The following MED13 variants were observed in gnomAD, a reference collection of about 807,000 sequenced individuals.
MED13 encodes mediator of RNA polymerase II transcription subunit 13.
In MED13, 23 loss-of-function variants were observed where a neutral mutation model predicts 225.2. The observed-to-expected ratio is 0.10, with a 90% CI of 0.07 to 0.14. MED13 has a LOEUF of 0.14. MED13 is among the 10% of genes least tolerant of loss of function. MED13 has a pLI of 1.00. For missense variants in MED13, 2,197 were observed against 2,594.5 expected (o/e 0.85, Z 3.33); for synonymous variants, 942 against 889.2 (o/e 1.06, Z -1.06).
intron 17 of MED13, among the ~76,000 whole-genome samples, chr17:61,970,048 TTAA>T (rs1277538337): frequency 2.0e-5 from 3 of 152,176 alleles, no homozygotes; most frequent in Admixed American, 6.5e-5. Context: ...CAATTTAAAA[TTAA>T]TAATAGCAAA....
At chr17:61,970,227 A>G (rs1294583385) in intron 17 of MED13, among the ~76,000 whole-genome samples, 2 of 152,242 alleles carry the variant, frequency 1.3e-5, no homozygotes, top group African/African-American at 4.8e-5. Flanking sequence ...CACAAGAAGT[A>G]GCAGAGTAGG....
intron 3 of MED13, among the ~76,000 whole-genome samples, chr17:62,038,783 C>G (rs2080827807): frequency 6.6e-6 from 1 of 152,168 alleles, no homozygotes; most frequent in South Asian, 2.1e-4. Context: ...CCCATCTCAC[C>G]CTCTTGAGTA....
chr17:61,985,175 T>C (rs757322540), intron 12 of MED13, 85 bp from the exon 13 acceptor site: 3 of 1,086,026 alleles, frequency 2.8e-6, no homozygotes, highest in Non-Finnish European at 4.1e-6. Context: ...AACTTAACAG[T>C]AAAGCCCATT....
At position 61,961,099 on chromosome 17, in the gene MED13, T is replaced by C. The variant is rs757958566; in HGVS notation, c.5257-9A>G. The stretch of plus-strand genomic sequence containing the variant: ...CGAATACACTCTGGTCTCTATAAAA[T>C]AAAAAATTAAGGTATTATCATACTA... On this transcript the variant is annotated splice_polypyrimidine_tract_variant and intron_variant, in intron 22 of 29. Transcript: ENST00000397786. 3.1e-6 allele frequency: 5 copies of C among 1,588,886 alleles called. No homozygotes were observed. Among genetic ancestry groups the C allele is most frequent in the Admixed American group, 1.7e-5 (1 of 59,038 alleles).
Position 61,987,067 on chromosome 17 carries a change from G to T in MED13, c.2325C>A (p.Asp775Glu). ...PPSTSLIYDSDLAVSYTDLDN... is the reference protein window; with the variant it reads ...PPSTSLIYDSELAVSYTDLDN... ...CAAGGTCAGTATAAGAGACAGCCAG[G>T]TCTGAGTCATAAATCAAACTTGTTG... The change falls in exon 12 of 30, where the codon GAC becomes GAA. Residue 775 changes from aspartate (D) to glutamate (E), a missense_variant. Physicochemically the swap from Asp to Glu is conservative, Grantham distance 45. Around this residue, in one of 12 missense-constraint regions of MED13, gnomAD observed 41 missense variants for 55.8 expected, o/e 0.73. Coordinates refer to ENST00000397786, the MANE Select transcript of MED13 (RefSeq NM_005121.3). 1 of 1,606,974 alleles carries T rather than the reference G, an allele frequency of 6.2e-7. No individual in the cohort carries two copies. Among genetic ancestry groups the T allele is most frequent in the Non-Finnish European group, 8.5e-7 (1 of 1,175,452 alleles).
rs769227023 is a variant in MED13 at position 61,965,093 on chromosome 17, C to T, written c.4757G>A (p.Gly1586Glu). The T allele has an allele frequency of 2.5e-6, 4 of 1,614,108 alleles. No homozygotes were observed. In the South Asian group the frequency reaches 4.4e-5, roughly 18 times the overall value. Residue 1586 changes from glycine to glutamate, a missense_variant, in exon 20 of 30, where the codon GGG becomes GAG. By Grantham distance (98) the Gly-to-Glu change is moderately conservative. This residue lies in a region of MED13 where 457 missense variants were observed against 442.2 expected (regional missense o/e 1.03). Coordinates refer to ENST00000397786, the MANE Select transcript of MED13 (RefSeq NM_005121.3). The stretch of plus-strand genomic sequence containing the variant: ...TGTCTGTAGAGCTGATGTCTGTTGC[C>T]CTCCTAGCTGACCACTCTGAACTGT... ...ANTVQSGQLG[G>E]QQTSALQTAG...
At chr17:61,946,622 T>A (rs200594396) in intron 29 of MED13, 22 bp from the exon 30 acceptor site, 1 of 1,604,306 alleles carries the variant, frequency 6.2e-7, no homozygotes, top group Non-Finnish European at 8.5e-7. Flanking sequence ...ATAAACTGCA[T>A]AAGTCATTTA....
chr17:62,033,913 T>C lies in MED13; in HGVS notation c.688A>G (p.Lys230Glu). Residue 230 changes from lysine (K) to glutamate (E), a missense_variant, in exon 5 of 30, where the codon AAA becomes GAA. Lys to Glu is a moderately conservative substitution (Grantham distance 56). This residue lies in a region of MED13 where 884 missense variants were observed against 918.5 expected (regional missense o/e 0.96). Coordinates refer to ENST00000397786, the MANE Select transcript of MED13 (RefSeq NM_005121.3). ...TGTTTCCATTCACCAATTAATTTTT[T>C]TGTAGCTGAATCAGACATCTTGAAT... ...QAFKMSDSAT[K>E]KLIGEWKQFY... is the part of the protein sequence containing the mutation. 5.0e-6 allele frequency: 8 copies of C among 1,614,146 alleles called. No homozygotes were observed. The highest frequency in any genetic ancestry group is 6.8e-6 in the Non-Finnish European group (8 of 1,180,022).
At chr17:61,965,531 C>G in intron 19 of MED13, 63 bp from the exon 20 acceptor site, 6 of 1,436,402 alleles carry the variant, frequency 4.2e-6, no homozygotes, top group Non-Finnish European at 5.6e-6. Context: ...TTTTTAAATT[C>G]TACTGTGTAA....
At chr17:61,985,646 G>T (rs1484747043) in intron 12 of MED13, among the ~76,000 whole-genome samples, 1 of 152,068 alleles carries the variant, frequency 6.6e-6, no homozygotes, top group Non-Finnish European at 1.5e-5. Flanking sequence ...ACTCCAGCAT[G>T]GGCAATACAA....
At chr17:62,019,849 T>A (rs191014516) in intron 8 of MED13, among the ~76,000 whole-genome samples, 2 of 151,838 alleles carry the variant, frequency 1.3e-5, no homozygotes, top group East Asian at 1.9e-4. Context: ...GTTCACGCCA[T>A]TCTCCTGCCT....
chr17:62,043,719 C>CAGT, intron 3 of MED13, among the ~76,000 whole-genome samples: 1 of 152,322 alleles, frequency 6.6e-6, no homozygotes, highest in Non-Finnish European at 1.5e-5. Flanking sequence ...CTAAGCACAG[C>CAGT]ACACACACCT....
chr17:62,030,893 C>T (rs2080749184), intron 6 of MED13: 2 of 152,156 alleles, frequency 1.3e-5, no homozygotes, highest in African/African-American at 4.8e-5. Context: ...AGCTAAAACG[C>T]TTTAGTTCTG....
intron 9 of MED13, among the ~76,000 whole-genome samples, chr17:61,999,863 C>A (rs908269334): frequency 2.0e-5 from 3 of 151,974 alleles, no homozygotes; most frequent in Admixed American, 6.6e-5. Flanking sequence ...TCAAGACCAG[C>A]CTGGACAACA....
chr17:62,010,279 T>A (rs148171682), intron 9 of MED13: 1 of 286,378 alleles, frequency 3.5e-6, no homozygotes, highest in East Asian at 5.9e-5. Context: ...AGAAAAACAG[T>A]ACATGGGAAT....
chr17:62,030,874 C>G (rs2080749042), intron 6 of MED13: 2 of 152,146 alleles, frequency 1.3e-5, no homozygotes, highest in African/African-American at 4.8e-5. Flanking sequence ...TAACTAAACC[C>G]CTTTTAATAG....
Position 61,965,317 on chromosome 17 carries a change from G to A in MED13, c.4533C>T (p.Ser1511=), listed in dbSNP as rs373574794. The A allele has an allele frequency of 6.2e-7, 1 of 1,614,086 alleles. No homozygotes were observed. Among genetic ancestry groups the A allele is most frequent in the Non-Finnish European group, 8.5e-7 (1 of 1,180,042 alleles). Residue 1511 remains serine (S), a synonymous_variant, in exon 20 of 30, where the codon AGC becomes AGT. Transcript: ENST00000397786. ...CACCTGAAGTCACTGTCATAGTGCT[G>A]CTCGCTGCAGATGCTAAGGTGGCAG... ...TPSATLASAA[S]STMTVTSGVA...
chr17:62,028,634 G>A (rs1233960443), intron 8 of MED13, among the ~76,000 whole-genome samples: 1 of 151,758 alleles, frequency 6.6e-6, no homozygotes, highest in Non-Finnish European at 1.5e-5. Flanking sequence ...GAGGTCAGGA[G>A]ATTGAGACCA....
chr17:61,971,898 C>T (rs2080113169), intron 17 of MED13, among the ~76,000 whole-genome samples: 1 of 152,018 alleles, frequency 6.6e-6, no homozygotes. Flanking sequence ...GGCGCCAGTG[C>T]ACTCCAGCCT....
Sources: gnomAD v4.1 joint callset for allele counts (sites outside exome capture counted in the v4.1 genomes callset) on GRCh38, gnomAD v4.1.1 for gene constraint, gnomAD v4.1.1 regional missense constraint, MANE v1.5 for transcripts, NCBI Gene and HGNC (gene_info 2026-07-23, HGNC 2026-07-21) for gene names.